The following MOCS1 variants were observed in gnomAD, a reference collection of about 807,000 sequenced individuals.
MOCS1 encodes molybdenum cofactor synthesis 1, also known as molybdenum cofactor biosynthesis protein 1.
In MOCS1, 39 loss-of-function variants were observed where a neutral mutation model predicts 57.6. The observed-to-expected ratio is 0.68, with a 90% confidence interval of 0.52 to 0.88. The LOEUF is 0.88. Among genes scored for constraint, MOCS1 ranks in the 40% least tolerant of loss-of-function variants. The pLI, the probability that MOCS1 is intolerant of heterozygous loss-of-function variation, is 0.00. For missense variants in MOCS1, 795 were observed against 831.1 expected, an observed-to-expected ratio of 0.96 and a Z score of 0.53; for synonymous variants, 334 against 335.7, an observed-to-expected ratio of 1.00 and a Z score of 0.05.
intron 8 of MOCS1, among the ~76,000 whole-genome samples, chr6:39,910,633 C>G (rs571344164): frequency 6.6e-6 from 1 of 152,184 alleles, no homozygotes; most frequent in African/African-American, 2.4e-5. Flanking sequence ...ACTGTGGCCA[C>G]AGAGAAAGAA....
At chr6:39,913,189 A>C (rs893282563) in intron 6 of MOCS1, 128 bp downstream of exon 6, 1 of 940,470 alleles carries the variant, frequency 1.1e-6, no homozygotes, top group Non-Finnish European at 1.7e-6. Flanking sequence ...CCGAGAAGCC[A>C]CCAACAGCCC....
rs1184990009 is a variant in MOCS1 at position 39,906,460 on chromosome 6, G to T, written c.1808C>A (p.Thr603Asn). Residue 603 changes from threonine to asparagine, a missense_variant, in exon 11 of 11, where the codon ACC (threonine) becomes AAC (asparagine). This residue lies in a region of MOCS1 where 374 missense variants were observed against 422.6 expected (regional missense o/e 0.89). Coordinates refer to ENST00000340692, the MANE Select transcript of MOCS1 (RefSeq NM_001358530.2). The stretch of plus-strand genomic sequence containing the variant: ...GACAGCCTTGCACATGTCATACAGG[G>T]TGAGGGCGGCCACTGCAGCAGAGGT... ...ALTSAAVAAL[T>N]LYDMCKAVSR... The T allele has an allele frequency of 6.2e-7, 1 of 1,613,758 alleles. No individual in the cohort carries two copies. The highest frequency in any genetic ancestry group is 1.3e-5 in the African/African-American group (1 of 75,058).
At chr6:39,926,903 T>C (rs1768346562) in intron 2 of MOCS1, among the ~76,000 whole-genome samples, 2 of 150,612 alleles carry the variant, frequency 1.3e-5, no homozygotes, top group African/African-American at 4.9e-5. Flanking sequence ...CCAGCTGATT[T>C]GTCACGGGAC....
At chr6:39,921,229 C>G (rs2149413249) in intron 3 of MOCS1, among the ~76,000 whole-genome samples, 1 of 151,730 alleles carries the variant, frequency 6.6e-6, no homozygotes, top group East Asian at 2.0e-4. Flanking sequence ...GAAACCCCGC[C>G]TCTACTAAAA....
At chr6:39,911,095 G>T (rs1201999795) in intron 8 of MOCS1, among the ~76,000 whole-genome samples, 2 of 152,074 alleles carry the variant, frequency 1.3e-5, no homozygotes, top group Non-Finnish European at 2.9e-5. Context: ...TCCTTTATTG[G>T]TTCCCTTAAT....
At chr6:39,924,907 C>T (rs560486424) in intron 3 of MOCS1, among the ~76,000 whole-genome samples, 1 of 152,068 alleles carries the variant, frequency 6.6e-6, no homozygotes, top group African/African-American at 2.4e-5. Context: ...GGTGAAACCC[C>T]GTCTCTGCTA....
chr6:39,930,639 G>T (rs1472536805), intron 1 of MOCS1, among the ~76,000 whole-genome samples: 5 of 152,240 alleles, frequency 3.3e-5, no homozygotes, highest in African/African-American at 7.2e-5. Context: ...CTTCAAGAAG[G>T]ATTCTAGTTT....
chr6:39,910,723 C>T lies in MOCS1; in HGVS notation c.982-768G>A, dbSNP rs567967134. 7.2e-5 allele frequency among the ~76,000 whole-genome samples: 11 copies of T among 152,248 alleles called. No homozygotes were observed. In the South Asian group the frequency reaches 2.1e-3, roughly 29 times the overall value. The stretch of plus-strand genomic sequence containing the variant: ...TCTAGGATAGGTCTAACTGCTTCAG[C>T]GTGCCTGTTATTCCTCATGCCTCGC... On this transcript the variant is annotated intron_variant, in intron 8 of 10. Transcript: ENST00000340692.
At position 39,912,875 on chromosome 6, in the gene MOCS1, C is replaced by A. The variant is rs1210251736; in HGVS notation, c.870+17G>T. 6.2e-7 allele frequency: 1 copy of A among 1,606,478 alleles called. No individual in the cohort carries two copies. Among genetic ancestry groups the A allele is most frequent in the Non-Finnish European group, 8.5e-7 (1 of 1,173,106 alleles). On this transcript the variant is annotated intron_variant, in intron 7 of 10. Transcript: ENST00000340692. Reference sequence around the variant, plus strand: ...GACCTTCCTCCAGGCCTGCCCCACACCCTCCTGCTCCCTAACCTTGGCTGT... The same window carrying A: ...GACCTTCCTCCAGGCCTGCCCCACAACCTCCTGCTCCCTAACCTTGGCTGT...
chr6:39,931,369 A>G (rs1209684203), intron 1 of MOCS1, among the ~76,000 whole-genome samples: 1 of 145,258 alleles, frequency 6.9e-6, no homozygotes, highest in Non-Finnish European at 1.5e-5. Flanking sequence ...ATTCGAGAGG[A>G]AAAAAAGCAC....
chr6:39,912,079 A>C (rs1231960411), intron 8 of MOCS1, among the ~76,000 whole-genome samples, 185 bp downstream of exon 8: 2 of 152,180 alleles, frequency 1.3e-5, no homozygotes, highest in Non-Finnish European at 2.9e-5. Context: ...TGACATTTCC[A>C]GAGGGGCCAT....
chr6:39,918,265 C>T (rs868333540), intron 3 of MOCS1, among the ~76,000 whole-genome samples: 6 of 152,124 alleles, frequency 3.9e-5, no homozygotes, highest in South Asian at 2.1e-4. Flanking sequence ...CCCAGCTCAG[C>T]GCTGCAAGAG....
rs990599995 is a variant in MOCS1, at chr6:39,905,119, G to A, written c.*1238C>T. ...CTTGGCATAGGGCAGAGGGGAGGCA[G>A]GCAGGGGGCACCACTGAGGACTCAA... On this transcript the variant is annotated 3_prime_UTR_variant, in exon 11 of 11. Coordinates refer to ENST00000340692, the MANE Select transcript of MOCS1 (RefSeq NM_001358530.2). 6 of 454,442 alleles carry A rather than the reference G, an allele frequency of 1.3e-5. No homozygotes were observed. In the East Asian group the frequency reaches 4.2e-4, roughly 32 times the overall value. The allele number at this position is 454,442 out of a possible 1,614,324, so 28.2% of individuals were successfully genotyped here. A position where few individuals can be genotyped will look rare whatever the true frequency, so the allele number is the denominator to read the frequency against.
In MOCS1 at chr6:39,905,826, A is replaced by C. The variant is rs958550150; in HGVS notation, c.*531T>G. The C allele has an allele frequency of 4.3e-6, 2 of 470,482 alleles. No individual in the cohort carries two copies. The highest frequency in any genetic ancestry group is 2.4e-5 in the Admixed American group (1 of 42,552). The allele number at this position is 470,482 out of a possible 1,614,324, so 29.1% of individuals were successfully genotyped here. A position where few individuals can be genotyped will look rare whatever the true frequency, so the allele number is the denominator to read the frequency against. ...GCAGAAGGAGAGATGAAGTCAGGAC[A>C]GGACAGGACAGGGCAGGGCTGCGGC... On this transcript the variant is annotated 3_prime_UTR_variant, in exon 11 of 11. Coordinates refer to ENST00000340692, the MANE Select transcript of MOCS1 (RefSeq NM_001358530.2).
In MOCS1 at chr6:39,905,842, G is replaced by C. The variant is rs1353537750; in HGVS notation, c.*515C>G. Reference sequence around the variant, plus strand: ...AGTCAGGACAGGACAGGACAGGGCAGGGCTGCGGCTTCACAGACTTAGGGA... The same window carrying C: ...AGTCAGGACAGGACAGGACAGGGCACGGCTGCGGCTTCACAGACTTAGGGA... On this transcript the variant is annotated 3_prime_UTR_variant, in exon 11 of 11. Coordinates refer to ENST00000340692, the MANE Select transcript of MOCS1 (RefSeq NM_001358530.2). 1 of 471,024 alleles carries C rather than the reference G, an allele frequency of 2.1e-6. No individual in the cohort carries two copies. The highest frequency in any genetic ancestry group is 6.9e-5 in the East Asian group (1 of 14,402). The allele number at this position is 471,024 out of a possible 1,614,324, so 29.2% of individuals were successfully genotyped here.
At chr6:39,911,369 C>G (rs915226815) in intron 8 of MOCS1, among the ~76,000 whole-genome samples, 4 of 152,144 alleles carry the variant, frequency 2.6e-5, no homozygotes, top group Non-Finnish European at 4.4e-5. Flanking sequence ...TGATGCCTTC[C>G]TCCTCTCCTT....
Position 39,909,924 on chromosome 6 carries a change from A to G in MOCS1, c.1013T>C (p.Leu338Pro), listed in dbSNP as rs768473860. The G allele has an allele frequency of 1.2e-6, 2 of 1,613,810 alleles. No individual in the cohort carries two copies. The highest frequency in any genetic ancestry group is 3.3e-5 in the Admixed American group (2 of 60,026). Residue 338 changes from leucine (L) to proline (P), a missense_variant, in exon 9 of 11, where the codon CTG (leucine) becomes CCG (proline). Leu to Pro is a moderately conservative substitution (Grantham distance 98). This residue lies in a region of MOCS1 where 374 missense variants were observed against 422.6 expected (regional missense o/e 0.89). Transcript: ENST00000340692. ...GGCCCCAGCTCGCAGGTGATCCCGC[A>G]GGGATACCTCAGAGTTTCCAAAGAG... is the stretch of plus-strand genomic sequence containing the variant. ...VCLFGNSEVS[L>P]RDHLRAGASE...
intron 9 of MOCS1, 57 bp downstream of exon 9, chr6:39,909,778 C>G: frequency 6.2e-7 from 1 of 1,605,534 alleles, no homozygotes; most frequent in Non-Finnish European, 8.5e-7. Flanking sequence ...CCACACCTCC[C>G]TCCCAGGGAC....
intron 3 of MOCS1, among the ~76,000 whole-genome samples, chr6:39,923,840 G>C (rs1768115040): frequency 6.6e-6 from 1 of 152,242 alleles, no homozygotes; most frequent in African/African-American, 2.4e-5. Flanking sequence ...CCCTTATACA[G>C]CAGCTGCTTC....
Sources: gnomAD v4.1 joint callset for allele counts (sites outside exome capture counted in the v4.1 genomes callset) on GRCh38, gnomAD v4.1.1 for gene constraint, gnomAD v4.1.1 regional missense constraint, MANE v1.5 for transcripts, NCBI Gene and HGNC (gene_info 2026-07-23, HGNC 2026-07-21) for gene names.